Variants in PICALM observed in about 807,000 individuals in gnomAD.
PICALM encodes phosphatidylinositol-binding clathrin assembly protein.
Under a neutral mutation model 80.5 loss-of-function variants are expected in PICALM, and 40 were observed. That is an observed-to-expected ratio of 0.50 (90% confidence interval 0.39 to 0.65). The LOEUF (loss-of-function observed/expected upper bound fraction) is 0.65, where lower values mean the gene tolerates loss of function less well. Among genes scored for constraint, PICALM ranks in the 30% least tolerant of loss-of-function variants. The pLI, the probability that PICALM is intolerant of heterozygous loss-of-function variation, is 0.00. For missense variants in PICALM, 676 were observed against 778.9 expected (o/e 0.87, Z 1.57); for synonymous variants, 288 against 260.3 (o/e 1.11, Z -1.02).
At chr11:86,003,675 T>C (rs1018913332) in intron 8 of PICALM, 5 of 354,760 alleles carry the variant, frequency 1.4e-5, no homozygotes, top group African/African-American at 8.4e-5. Context: ...CGTTAAGAAC[T>C]GAAAACTATG....
Position 86,004,092 on chromosome 11 carries a change from CAA to C in PICALM, c.808-643_808-642del, listed in dbSNP as rs1443710893. On this transcript the variant is annotated intron_variant, in intron 8 of 19. Transcript: ENST00000393346. ...GACCCAATTCCATTCCTATTTACCC[CAA>C]AGAGATAAAAACTTATCTCTGTAAG... Among the ~76,000 whole-genome samples, 5 of 152,182 alleles carry C rather than the reference CAA, an allele frequency of 3.3e-5. No individual in the cohort carries two copies. The East Asian group carries it at 7.7e-4, about 23-fold the overall frequency.
intron 4 of PICALM, among the ~76,000 whole-genome samples, chr11:86,016,716 A>G (rs2095485925): frequency 6.6e-6 from 1 of 152,156 alleles, no homozygotes; most frequent in African/African-American, 2.4e-5. Flanking sequence ...TCAACCTCAA[A>G]TGAATACTCA....
chr11:85,978,027 G>C, intron 17 of PICALM: 1 of 1,516,038 alleles, frequency 6.6e-7, no homozygotes, highest in Non-Finnish European at 9.2e-7. Flanking sequence ...GTGGTTAATA[G>C]CATGCCAATT....
At chr11:86,068,493 G>A (rs2096479460) in intron 1 of PICALM, among the ~76,000 whole-genome samples, 158 bp downstream of exon 1, 2 of 152,048 alleles carry the variant, frequency 1.3e-5, no homozygotes, top group Admixed American at 6.5e-5. Context: ...TGTGATGGAA[G>A]CAAAAGAACA....
chr11:86,021,381 C>T (rs144909936), intron 4 of PICALM, among the ~76,000 whole-genome samples: 8 of 150,822 alleles, frequency 5.3e-5, no homozygotes, highest in East Asian at 1.9e-4. Context: ...TTTCAAAAGA[C>T]GATATGCAAA....
At chr11:85,973,799 A>G (rs762599073) in intron 19 of PICALM, among the ~76,000 whole-genome samples, 1 of 152,220 alleles carries the variant, frequency 6.6e-6, no homozygotes, top group Non-Finnish European at 1.5e-5. Flanking sequence ...TGCTCATTCA[A>G]ATGTTTTCAA....
intron 1 of PICALM, among the ~76,000 whole-genome samples, chr11:86,046,091 T>C (rs1941375): frequency 0.27 from 41,679 of 152,120 alleles, 5,932 homozygotes; most frequent in African/African-American, 0.33. Context: ...CCATTAAAAA[T>C]CTTCTGGCTC....
chr11:85,996,796 A>G, intron 12 of PICALM, 30 bp downstream of exon 12: 1 of 1,221,810 alleles, frequency 8.2e-7, no homozygotes, highest in Non-Finnish European at 1.2e-6. Context: ...GATGCATGTA[A>G]CATCTAAAAT....
intron 11 of PICALM, among the ~76,000 whole-genome samples, chr11:85,998,635 G>A (rs1381778346): frequency 6.6e-6 from 1 of 152,006 alleles, no homozygotes; most frequent in Admixed American, 6.5e-5. Context: ...AAAAATAGTT[G>A]GGCATTGCGG....
intron 14 of PICALM, 65 bp from the exon 15 acceptor site, chr11:85,982,068 G>A (rs535143403): frequency 2.8e-6 from 4 of 1,447,720 alleles, no homozygotes; most frequent in East Asian, 2.3e-5. Flanking sequence ...GTTTTCTAAA[G>A]GAGGTCTTTG....
chr11:86,021,913 C>T (rs2136501458), intron 4 of PICALM, among the ~76,000 whole-genome samples: 1 of 152,228 alleles, frequency 6.6e-6, no homozygotes, highest in Non-Finnish European at 1.5e-5. Flanking sequence ...TATCATGCTA[C>T]ACAAAGGTCA....
chr11:85,968,696 C>T (rs2093992170), intron 19 of PICALM, among the ~76,000 whole-genome samples: 1 of 152,136 alleles, frequency 6.6e-6, no homozygotes, highest in African/African-American at 2.4e-5. Flanking sequence ...AAGCAGGAGT[C>T]CCCTTTCCAG....
chr11:85,968,065 G>GCA (rs2093965372), intron 19 of PICALM, among the ~76,000 whole-genome samples: 1 of 152,214 alleles, frequency 6.6e-6, no homozygotes, highest in African/African-American at 2.4e-5. Flanking sequence ...CAGGAGCAGT[G>GCA]GCTCATGCCT....
At chr11:86,044,086 C>G (rs750340906) in intron 1 of PICALM, among the ~76,000 whole-genome samples, 10 of 152,188 alleles carry the variant, frequency 6.6e-5, no homozygotes, top group Non-Finnish European at 1.2e-4. Flanking sequence ...TAGAAATATA[C>G]AATAGTGGAC....
chr11:86,019,472 T>C (rs1426061099), intron 4 of PICALM, among the ~76,000 whole-genome samples: 1 of 152,186 alleles, frequency 6.6e-6, no homozygotes, highest in Non-Finnish European at 1.5e-5. Flanking sequence ...CACCAACTAT[T>C]CTCAAGACTG....
intron 3 of PICALM, among the ~76,000 whole-genome samples, chr11:86,022,875 C>G (rs2095590339): frequency 6.6e-6 from 1 of 152,052 alleles, no homozygotes; most frequent in Non-Finnish European, 1.5e-5. Flanking sequence ...TTTTATACTC[C>G]TAAAATCTTT....
chr11:85,970,625 G>A (rs1273398048), intron 19 of PICALM, among the ~76,000 whole-genome samples: 1 of 152,220 alleles, frequency 6.6e-6, no homozygotes, highest in African/African-American at 2.4e-5. Context: ...AGACCAGCCT[G>A]GCCAACATGG....
intron 3 of PICALM, chr11:86,023,392 T>C (rs1370693610): frequency 7.5e-6 from 7 of 933,188 alleles, no homozygotes; most frequent in Non-Finnish European, 3.8e-6. Flanking sequence ...GAAAAAAAAA[T>C]ACTGCTCCCA....
intron 19 of PICALM, among the ~76,000 whole-genome samples, chr11:85,968,372 C>A (rs144795411): frequency 0.011 from 1,668 of 152,210 alleles, 78 homozygotes; most frequent in Admixed American, 0.086. Flanking sequence ...AGGTAATACT[C>A]TGTATTTTTC....
Sources: allele counts gnomAD v4.1 joint callset (sites outside exome capture counted in the v4.1 genomes callset), GRCh38; gene constraint gnomAD v4.1.1; transcripts MANE v1.5; gene names NCBI Gene and HGNC (gene_info 2026-07-23, HGNC 2026-07-21).